PDE6A: variants seen among roughly 807,000 people sequenced by gnomAD.
PDE6A encodes the protein rod cGMP-specific 3',5'-cyclic phosphodiesterase subunit alpha.
A neutral mutation model predicts 106.3 loss-of-function variants in PDE6A; 84 were observed. The observed-to-expected ratio is 0.79, with a 90% confidence interval of 0.66 to 0.95. The LOEUF is 0.95. PDE6A is among the 40% of genes least tolerant of loss of function. The pLI is 0.00. For synonymous variants in PDE6A, 394 were observed against 386.6 expected, an observed-to-expected ratio of 1.02 and a Z score of -0.23; for missense variants, 1,052 against 1,084.9, an observed-to-expected ratio of 0.97 and a Z score of 0.43.
intron 5 of PDE6A, 46 bp downstream of exon 5, chr5:149,921,589 C>T (rs368873367): frequency 7.0e-5 from 102 of 1,465,052 alleles, no homozygotes; most frequent in African/African-American, 6.7e-4. Context: ...CTGTGCCTTG[C>T]ATTTGAATAT....
At chr5:149,925,637 G>A (rs1753844192) in intron 4 of PDE6A, among the ~76,000 whole-genome samples, 1 of 151,100 alleles carries the variant, frequency 6.6e-6, no homozygotes, top group African/African-American at 2.4e-5. Flanking sequence ...AACCCAGGAG[G>A]CGGAGGTTGC....
intron 1 of PDE6A, among the ~76,000 whole-genome samples, chr5:149,942,102 C>T (rs1296645487): frequency 6.6e-5 from 10 of 152,090 alleles, no homozygotes; most frequent in African/African-American, 2.4e-4. Flanking sequence ...GACAGGACCA[C>T]AGGTGTGCAC....
chr5:149,930,326 C>T (rs2113655363), intron 4 of PDE6A, among the ~76,000 whole-genome samples: 2 of 152,236 alleles, frequency 1.3e-5, no homozygotes, highest in South Asian at 4.1e-4. Context: ...TGGGCACCAC[C>T]CTCAGCATGA....
In PDE6A at chr5:149,944,452, T is replaced by C. The variant is rs762500591; in HGVS notation, c.222A>G (p.Thr74=). The C allele has an allele frequency of 2.5e-6, 4 of 1,614,066 alleles. No homozygotes were observed. Among genetic ancestry groups the C allele is most frequent in the East Asian group, 2.2e-5 (1 of 44,896 alleles). Reference sequence around the variant, plus strand: ...TCATGACATTGAAGATGCATTTCTCTGTCTGTAAATTCTCCTGAAAGTCCC... The same window carrying C: ...TCATGACATTGAAGATGCATTTCTCCGTCTGTAAATTCTCCTGAAAGTCCC... The part of the protein sequence containing the change: ...LLRDFQENLQ[T]EKCIFNVMKK... Residue 74 remains threonine (T), a synonymous_variant, in exon 1 of 22, where the codon ACA becomes ACG. Transcript: ENST00000255266.
At chr5:149,941,800 C>T (rs143962295) in intron 1 of PDE6A, among the ~76,000 whole-genome samples, 4 of 152,340 alleles carry the variant, frequency 2.6e-5, no homozygotes, top group Admixed American at 6.5e-5. Flanking sequence ...AGCGCTACAT[C>T]GGTGTCTGAG....
At chr5:149,921,070 A>G (rs572168173) in intron 5 of PDE6A, among the ~76,000 whole-genome samples, 3 of 152,280 alleles carry the variant, frequency 2.0e-5, no homozygotes, top group Non-Finnish European at 2.9e-5. Flanking sequence ...CTGGCTACCA[A>G]TTTGTACATT....
At chr5:149,862,525 G>A (rs560575322) in intron 21 of PDE6A, among the ~76,000 whole-genome samples, 8 of 152,164 alleles carry the variant, frequency 5.3e-5, no homozygotes, top group African/African-American at 7.2e-5. Context: ...TTGAGAGGCC[G>A]AGGCGGGTGG....
intron 17 of PDE6A, among the ~76,000 whole-genome samples, chr5:149,875,481 C>G (rs568297288): frequency 8.9e-5 from 13 of 146,452 alleles, no homozygotes; most frequent in African/African-American, 3.5e-4. Context: ...ATTATACATA[C>G]TGACTATTTT....
intron 5 of PDE6A, among the ~76,000 whole-genome samples, chr5:149,916,260 G>A (rs1347511208): frequency 6.6e-6 from 1 of 152,198 alleles, no homozygotes; most frequent in Non-Finnish European, 1.5e-5. Flanking sequence ...ATTAAATATA[G>A]AGATTCGTCT....
intron 6 of PDE6A, among the ~76,000 whole-genome samples, chr5:149,908,801 G>C (rs1170166588): frequency 1.3e-5 from 2 of 152,016 alleles, no homozygotes; most frequent in African/African-American, 2.4e-5. Flanking sequence ...AGGATCACTG[G>C]AAACCAAGAG....
At chr5:149,887,712 C>A (rs1752365328) in intron 13 of PDE6A, among the ~76,000 whole-genome samples, 1 of 152,106 alleles carries the variant, frequency 6.6e-6, no homozygotes, top group Non-Finnish European at 1.5e-5. Context: ...ACATTCCTAT[C>A]ATATCTTGCT....
At chr5:149,862,556 C>T (rs935149413) in intron 21 of PDE6A, among the ~76,000 whole-genome samples, 1 of 152,068 alleles carries the variant, frequency 6.6e-6, no homozygotes, top group Non-Finnish European at 1.5e-5. Context: ...GTCAGGAGTT[C>T]GAGACCAGCC....
At chr5:149,932,615 A>C in intron 3 of PDE6A, 1 of 1,612,508 alleles carries the variant, frequency 6.2e-7, no homozygotes, top group Admixed American at 1.7e-5. Context: ...TCATTCGCTG[A>C]CTAATGCCTT....
chr5:149,944,515 G>T lies in PDE6A; in HGVS notation c.159C>A (p.Ser53Arg), dbSNP rs762456548. Residue 53 changes from serine to arginine, a missense_variant, in exon 1 of 22, where the codon AGC becomes AGA. Around this residue, in one of 3 missense-constraint regions of PDE6A, gnomAD observed 913 missense variants for 915.2 expected, o/e 1.00. Coordinates refer to ENST00000255266, the MANE Select transcript of PDE6A (RefSeq NM_000440.3). ...AGATGATTTCGCTCTCCTCCATGCT[G>T]CTCGGGGAGTGGTAGTTGCTGAAGT... The part of the protein sequence containing the change: ...AVDFSNYHSP[S>R]SMEESEIIFD... The T allele has an allele frequency of 3.3e-5, 53 of 1,614,030 alleles. No individual in the cohort carries two copies. The highest frequency in any genetic ancestry group is 7.7e-5 in the South Asian group (7 of 91,080).
intron 21 of PDE6A, 143 bp from the exon 22 acceptor site, chr5:149,861,114 G>C (rs1760125032): frequency 4.2e-6 from 3 of 710,304 alleles, no homozygotes; most frequent in Non-Finnish European, 7.7e-6. Context: ...GGCAAACCAG[G>C]TGTGAGGAGA....
intron 13 of PDE6A, among the ~76,000 whole-genome samples, chr5:149,890,697 GC>G (rs1752513250): frequency 6.6e-6 from 1 of 152,086 alleles, no homozygotes; most frequent in South Asian, 2.1e-4. Context: ...ACTTTCCTGA[GC>G]AACTCTAAGC....
intron 18 of PDE6A, 82 bp downstream of exon 18, chr5:149,868,013 T>G (rs993288623): frequency 1.5e-5 from 20 of 1,379,194 alleles, no homozygotes; most frequent in Non-Finnish European, 2.0e-5. Flanking sequence ...GTTCTGGAGC[T>G]GGGCTGAGAG....
At chr5:149,862,629 G>C (rs1052114073) in intron 21 of PDE6A, among the ~76,000 whole-genome samples, 16 of 152,188 alleles carry the variant, frequency 1.1e-4, no homozygotes, top group Admixed American at 1.0e-3. Flanking sequence ...ATGGCACTGG[G>C]TGCCTGTAAT....
chr5:149,885,420 C>A (rs757535061), intron 14 of PDE6A, among the ~76,000 whole-genome samples: 13 of 152,190 alleles, frequency 8.5e-5, no homozygotes, highest in Non-Finnish European at 1.3e-4. Flanking sequence ...CTCTGCCCAG[C>A]CCACTGGGTG....
Sources: allele counts gnomAD v4.1 joint callset (sites outside exome capture counted in the v4.1 genomes callset), GRCh38; gene constraint gnomAD v4.1.1; regional missense constraint gnomAD v4.1.1; transcripts MANE v1.5; gene names NCBI Gene and HGNC (gene_info 2026-07-23, HGNC 2026-07-21).